The following HERC3 variants were observed in gnomAD, a reference collection of about 807,000 sequenced individuals.
HERC3 encodes HECT and RLD domain containing E3 ubiquitin protein ligase 3, also known as probable E3 ubiquitin-protein ligase HERC3.
In HERC3, 58 loss-of-function variants were observed where a neutral mutation model predicts 129.9. The ratio of observed to expected loss-of-function variants is 0.45; its 90% CI spans 0.36 to 0.56. The LOEUF is 0.56. Ranked by LOEUF, HERC3 falls within the 20% of genes least tolerant of loss-of-function variation. The pLI is 0.00. For missense variants in HERC3, 835 were observed against 1,244.2 expected (o/e 0.67, Z 4.95); for synonymous variants, 430 against 451.0 (o/e 0.95, Z 0.59).
In HERC3 at chr4:88,692,649, G is replaced by A. The variant is rs188423861; in HGVS notation, c.2657+5350G>A. 3.0e-3 allele frequency among the ~76,000 whole-genome samples: 455 copies of A among 152,290 alleles called. 1 individual carries two copies. Among genetic ancestry groups the A allele is most frequent in the African/African-American group, 0.01 (433 of 41,556 alleles). Reference sequence around the variant, plus strand: ...AAAATGCCAGTAACACTTCTTGAGTGCTTACCATGCATCAGACACTATTTG... The same window carrying A: ...AAAATGCCAGTAACACTTCTTGAGTACTTACCATGCATCAGACACTATTTG... On this transcript the variant is annotated intron_variant, in intron 23 of 25. Transcript: ENST00000402738.
At chr4:88,575,594 A>G in the HERC3 span, among the ~76,000 whole-genome samples, 1 of 152,266 alleles carries the variant, frequency 6.6e-6, no homozygotes, top group African/African-American at 2.4e-5. Flanking sequence ...TCCTTCCTGA[A>G]GTACCTTGTA....
At chr4:88,683,616 A>G (rs1733058328) in intron 21 of HERC3, among the ~76,000 whole-genome samples, 1 of 152,222 alleles carries the variant, frequency 6.6e-6, no homozygotes, top group African/African-American at 2.4e-5. Context: ...GCAACTCTTG[A>G]TAGAATTGCA....
rs1732353811 is a variant in HERC3, at chr4:88,678,018, C to T, written c.2080C>T (p.Pro694Ser). The change falls in exon 19 of 26, where the codon CCT (proline) becomes TCT (serine). Residue 694 changes from proline to serine, a missense_variant. Transcript: ENST00000402738. ...QNVFMLLTLEPLLARSPFLVL... is the reference protein window; with the variant it reads ...QNVFMLLTLESLLARSPFLVL... ...TGTCTTCATGCTTCTCACCCTGGAG[C>T]CTCTGCTGGCCAGAAGCCCCTTCCT... 1 of 1,613,888 alleles carries T rather than the reference C, an allele frequency of 6.2e-7. No individual in the cohort carries two copies. Among genetic ancestry groups the T allele is most frequent in the South Asian group, 1.1e-5 (1 of 91,082 alleles).
chr4:88,654,095 ATTAG>A lies in HERC3; in HGVS notation c.742_745del (p.Ser248ValfsTer31), dbSNP rs1232682894. 4 of 1,613,470 alleles carry A rather than the reference ATTAG, an allele frequency of 2.5e-6. No individual in the cohort carries two copies. The highest frequency in any genetic ancestry group is 3.4e-6 in the Non-Finnish European group (4 of 1,179,738). On this transcript the variant is annotated frameshift_variant, in exon 7 of 26. Transcript: ENST00000402738. LOFTEE classifies it high-confidence loss of function. Reference sequence around the variant, plus strand: ...CTTACGCACGCAAAAAGTTGTCTATATTAGTTGTGGAGAAGAACACACAGCAGTT... The same window carrying A: ...CTTACGCACGCAAAAAGTTGTCTATATTGTGGAGAAGAACACACAGCAGTT...
intron 9 of HERC3, chr4:88,657,414 A>G (rs1404165004): frequency 6.6e-6 from 1 of 152,226 alleles, no homozygotes; most frequent in Non-Finnish European, 1.5e-5. Context: ...TGTCTGGGTG[A>G]TGTTCCCAGA....
At chr4:88,664,625 A>G (rs1403718213) in intron 12 of HERC3, among the ~76,000 whole-genome samples, 1 of 152,230 alleles carries the variant, frequency 6.6e-6, no homozygotes, top group Non-Finnish European at 1.5e-5. Flanking sequence ...CTCAGAAATA[A>G]TTGGTAGAAT....
At chr4:88,681,358 C>T in intron 21 of HERC3, 33 bp downstream of exon 21, 2 of 1,570,790 alleles carry the variant, frequency 1.3e-6, no homozygotes, top group Non-Finnish European at 1.7e-6. Flanking sequence ...GTATCTGAAA[C>T]TGTTGTGGCT....
chr4:88,686,937 G>C, intron 22 of HERC3, 135 bp downstream of exon 22: 1 of 712,848 alleles, frequency 1.4e-6, no homozygotes, highest in Non-Finnish European at 2.4e-6. Context: ...TTTAGTCATA[G>C]TGTCTTGAGT....
chr4:88,567,049 A>C, the HERC3 span, among the ~76,000 whole-genome samples: 1 of 152,158 alleles, frequency 6.6e-6, no homozygotes, highest in Non-Finnish European at 1.5e-5. Flanking sequence ...TTAGCCTCCC[A>C]AAGTGGTGGA....
Position 88,680,534 on chromosome 4 carries a change from G to C in HERC3, c.2340+298G>C, listed in dbSNP as rs563582074. The stretch of plus-strand genomic sequence containing the variant: ...AAATTGGTTTTGTGACATATGGAAG[G>C]TCAATAATCAAATATGTCTGATATT... On this transcript the variant is annotated intron_variant, in intron 20 of 25. Transcript: ENST00000402738. 2.0e-5 allele frequency among the ~76,000 whole-genome samples: 3 copies of C among 152,278 alleles called. No individual in the cohort carries two copies. In the East Asian group the frequency reaches 5.8e-4, roughly 29 times the overall value.
chr4:88,702,197 C>T (rs1171644261), intron 23 of HERC3, among the ~76,000 whole-genome samples: 1 of 152,204 alleles, frequency 6.6e-6, no homozygotes, highest in Non-Finnish European at 1.5e-5. Context: ...AGCAAAATCT[C>T]ATATCCATAA....
chr4:88,527,108 C>T, the HERC3 span: 1 of 152,212 alleles, frequency 6.6e-6, no homozygotes, highest in Non-Finnish European at 1.5e-5. Context: ...ATCACAAATT[C>T]TGTCTGAAGG....
At chr4:88,525,824 G>A in the HERC3 span, among the ~76,000 whole-genome samples, 1 of 152,178 alleles carries the variant, frequency 6.6e-6, no homozygotes, top group East Asian at 1.9e-4. Context: ...AGTATACTAA[G>A]CTAAATGTAG....
chr4:88,602,603 A>C (rs1321394793), intron 2 of HERC3, among the ~76,000 whole-genome samples: 1 of 151,872 alleles, frequency 6.6e-6, no homozygotes, highest in Non-Finnish European at 1.5e-5. Flanking sequence ...CCAGCACCCC[A>C]AGTAGCTGGG....
chr4:88,573,417 C>A, the HERC3 span, among the ~76,000 whole-genome samples: 1 of 152,232 alleles, frequency 6.6e-6, no homozygotes, highest in African/African-American at 2.4e-5. Flanking sequence ...ACAACATAAC[C>A]ATTTATTTAC....
At chr4:88,620,332 C>G (rs1468385091) in intron 3 of HERC3, among the ~76,000 whole-genome samples, 1 of 152,208 alleles carries the variant, frequency 6.6e-6, no homozygotes, top group Non-Finnish European at 1.5e-5. Flanking sequence ...CTACCTTAAA[C>G]CTAACATATT....
chr4:88,598,369 CA>C (rs1346758592), intron 2 of HERC3, among the ~76,000 whole-genome samples: 1 of 152,172 alleles, frequency 6.6e-6, no homozygotes, highest in East Asian at 1.9e-4. Context: ...CAAATGCACA[CA>C]AAAAAACTTC....
intron 3 of HERC3, among the ~76,000 whole-genome samples, chr4:88,635,309 C>T (rs1257379409): frequency 1.3e-5 from 2 of 151,834 alleles, no homozygotes; most frequent in South Asian, 2.1e-4. Flanking sequence ...GGAACGTAAA[C>T]GACCTGATGA....
the HERC3 span, among the ~76,000 whole-genome samples, chr4:88,547,705 G>A: frequency 6.6e-6 from 1 of 152,148 alleles, no homozygotes; most frequent in Non-Finnish European, 1.5e-5. Flanking sequence ...ACCCAGGCTG[G>A]AATGCAGTGG....
Sources: gnomAD v4.1 joint callset for allele counts (sites outside exome capture counted in the v4.1 genomes callset) on GRCh38, gnomAD v4.1.1 for gene constraint, MANE v1.5 for transcripts, NCBI Gene and HGNC (gene_info 2026-07-23, HGNC 2026-07-21) for gene names.